Variants in GPR162 observed in about 807,000 individuals in gnomAD.
GPR162 encodes G protein-coupled receptor 162, also known as probable G protein-coupled receptor 162.
GPR162 carries 26 observed loss-of-function variants against 44.9 expected under a neutral mutation model. The ratio of observed to expected loss-of-function variants is 0.58; its 90% CI spans 0.42 to 0.80. The LOEUF is 0.80. GPR162 is among the 30% of genes least tolerant of loss of function. The pLI is 0.00. For missense variants in GPR162, 704 were observed against 802.3 expected, an observed-to-expected ratio of 0.88 and a Z score of 1.48; for synonymous variants, 363 against 335.2, an observed-to-expected ratio of 1.08 and a Z score of -0.91.
chr12:6,826,918 C>A lies in GPR162; in HGVS notation c.1481C>A (p.Pro494His). The change falls in exon 5 of 5, where the codon CCC becomes CAC. Residue 494 changes from proline to histidine, a missense_variant. By Grantham distance (77) the Pro-to-His change is moderately conservative. Transcript: ENST00000311268. ...ESGVLGSGGG[P>H]PRGPGFFREE... ...GGGGTTCTGGGGTCAGGTGGGGGACCCCCACGGGGTCCTGGCTTCTTCCGG... is the reference window on the plus strand; with the variant it reads ...GGGGTTCTGGGGTCAGGTGGGGGACACCCACGGGGTCCTGGCTTCTTCCGG... The A allele has an allele frequency of 6.2e-7, 1 of 1,613,318 alleles. No homozygotes were observed. The highest frequency in any genetic ancestry group is 8.5e-7 in the Non-Finnish European group (1 of 1,179,958).
In GPR162 at chr12:6,823,961, G is replaced by T; in HGVS notation, c.63G>T (p.Leu21=). Residue 21 remains leucine (L), a synonymous_variant, in exon 2 of 5, where the codon CTG becomes CTT. Coordinates refer to ENST00000311268, the MANE Select transcript of GPR162 (RefSeq NM_019858.2). ...TGCGCTCCAACGCATTGTCCTGGCT[G>T]GCCTGTGGGCTCCTGGCGCTGCTGG... The part of the protein sequence containing the change: ...ASLRSNALSW[L]ACGLLALLAN... 6.3e-7 allele frequency: 1 copy of T among 1,597,382 alleles called. No individual in the cohort carries two copies. Among genetic ancestry groups the T allele is most frequent in the Non-Finnish European group, 8.5e-7 (1 of 1,174,810 alleles).
In GPR162 at chr12:6,826,856, T is replaced by C; in HGVS notation, c.1419T>C (p.Gly473=). Residue 473 remains glycine, a synonymous_variant, in exon 5 of 5, where the codon GGT becomes GGC. Coordinates refer to ENST00000311268, the MANE Select transcript of GPR162 (RefSeq NM_019858.2). ...EDEEDEEEAE[G]GGLASLRQFL... ...AGGAGGACGAGGAAGAGGCTGAAGG[T>C]GGGGGGCTGGCCAGCCTTCGCCAAT... 6.2e-7 allele frequency: 1 copy of C among 1,612,126 alleles called. No homozygotes were observed. Among genetic ancestry groups the C allele is most frequent in the Non-Finnish European group, 8.5e-7 (1 of 1,179,078 alleles).
Position 6,826,250 on chromosome 12 carries a change from C to G in GPR162, c.1112C>G (p.Ala371Gly), listed in dbSNP as rs1943353651. The G allele has an allele frequency of 6.2e-7, 1 of 1,613,888 alleles. No homozygotes were observed. The highest frequency in any genetic ancestry group is 1.7e-5 in the Admixed American group (1 of 59,996). The change falls in exon 4 of 5, where the codon GCT becomes GGT. Residue 371 changes from alanine (A) to glycine (G), a missense_variant. By Grantham distance (60) the Ala-to-Gly change is moderately conservative. Around this residue, in one of 6 missense-constraint regions of GPR162, gnomAD observed 404 missense variants for 314.1 expected, o/e 1.29. Coordinates refer to ENST00000311268, the MANE Select transcript of GPR162 (RefSeq NM_019858.2). ...CGAGTTTGCAAAGTTCGCTTTGATGCTAACGGAGCCACAGGACCAGGGAGC... is the reference window on the plus strand; with the variant it reads ...CGAGTTTGCAAAGTTCGCTTTGATGGTAACGGAGCCACAGGACCAGGGAGC... ...EGRVCKVRFD[A>G]NGATGPGSRD... is the part of the protein sequence containing the mutation.
rs1943291012 is a variant in GPR162 at position 6,822,189 on chromosome 12, C to T, written c.-432+289C>T. 6.6e-6 allele frequency among the ~76,000 whole-genome samples: 1 copy of T among 152,176 alleles called. No individual in the cohort carries two copies. Among genetic ancestry groups the T allele is most frequent in the Non-Finnish European group, 1.5e-5 (1 of 68,028 alleles). ...CTTCACATCTTTCCTGCCTCCTTCCCTCTCTGACTCCCTATCTCTTTCATC... is the reference window on the plus strand; with the variant it reads ...CTTCACATCTTTCCTGCCTCCTTCCTTCTCTGACTCCCTATCTCTTTCATC... On this transcript the variant is annotated intron_variant, in intron 1 of 4. Coordinates refer to ENST00000311268, the MANE Select transcript of GPR162 (RefSeq NM_019858.2). The surrounding 1 kb of genome is among the most constrained non-coding windows in gnomAD (Gnocchi z 4.2).
rs782798823 is a variant in GPR162, at chr12:6,825,672, C to T, written c.1056C>T (p.Asp352=). The T allele has an allele frequency of 4.5e-6, 7 of 1,563,558 alleles. No individual in the cohort carries two copies. The highest frequency in any genetic ancestry group is 6.1e-6 in the Non-Finnish European group (7 of 1,153,106). Residue 352 remains aspartate, a splice_region_variant and synonymous_variant, in exon 3 of 5, where the codon GAC becomes GAT. Coordinates refer to ENST00000311268, the MANE Select transcript of GPR162 (RefSeq NM_019858.2). ...VAIMSEEDGD[D]DGGCDDYAEG... ...TCATGTCTGAGGAGGATGGAGATGA[C>T]GGTCAGAGGAGGGGCTGGGCTTTGG...
chr12:6,825,357 G>A (rs1943340730), intron 2 of GPR162, 127 bp from the exon 3 acceptor site: 10 of 630,404 alleles, frequency 1.6e-5, no homozygotes, highest in East Asian at 8.2e-5. Context: ...CTCCGGCTTC[G>A]CCTCTGTTGG....
rs781783285 is a variant in GPR162 at position 6,826,287 on chromosome 12, C to T, written c.1149C>T (p.Ala383=). 20 of 1,613,824 alleles carry T rather than the reference C, an allele frequency of 1.2e-5. No individual in the cohort carries two copies. Among genetic ancestry groups the T allele is most frequent in the Non-Finnish European group, 1.6e-5 (19 of 1,179,966 alleles). ...CAGGACCAGGGAGCCGGGACCCCGC[C>T]CAGGTGAAGCTGCTGCCTGGAAGGC... ...GATGPGSRDP[A]QVKLLPGRHM... Residue 383 remains alanine, a synonymous_variant, in exon 4 of 5, where the codon GCC becomes GCT. Transcript: ENST00000311268.
Position 6,827,215 on chromosome 12 carries a change from G to A in GPR162, c.*11G>A, listed in dbSNP as rs1555120526. 3.2e-6 allele frequency: 5 copies of A among 1,586,722 alleles called. No homozygotes were observed. The South Asian group carries it at 3.4e-5, about 11-fold the overall frequency. ...CAGCTGACCCTGTGAGCCCAAGCAGGCCTGCTGAACTCAGAGGAGAAAGCC... is the reference window on the plus strand; with the variant it reads ...CAGCTGACCCTGTGAGCCCAAGCAGACCTGCTGAACTCAGAGGAGAAAGCC... On this transcript the variant is annotated 3_prime_UTR_variant, in exon 5 of 5. Coordinates refer to ENST00000311268, the MANE Select transcript of GPR162 (RefSeq NM_019858.2).
Position 6,823,882 on chromosome 12 carries a change from G to T in GPR162, c.-17G>T, listed in dbSNP as rs781858035. 1.9e-6 allele frequency: 3 copies of T among 1,572,006 alleles called. No homozygotes were observed. Among genetic ancestry groups the T allele is most frequent in the East Asian group, 2.3e-5 (1 of 44,240 alleles). On this transcript the variant is annotated 5_prime_UTR_variant, in exon 2 of 5. Transcript: ENST00000311268. ...CCACCCCCACAGAGCTCAAGGGGGT[G>T]GGGGGCTGAGGATAGGATGGCTCGG...
chr12:6,825,525 C>G lies in GPR162; in HGVS notation c.909C>G (p.Pro303=). ...CCCTCAAGTCGGACTCGGCGCCCCC[C>G]TGGATGGTGCTGGCTGTGCTGTGGT... The part of the protein sequence containing the change: ...FFSLKSDSAP[P]WMVLAVLWCS... Residue 303 remains proline, a synonymous_variant, in exon 3 of 5, where the codon CCC becomes CCG. Coordinates refer to ENST00000311268, the MANE Select transcript of GPR162 (RefSeq NM_019858.2). 1 of 1,612,124 alleles carries G rather than the reference C, an allele frequency of 6.2e-7. No homozygotes were observed. The highest frequency in any genetic ancestry group is 2.2e-5 in the East Asian group (1 of 44,814).
Position 6,827,146 on chromosome 12 carries a change from G to A in GPR162, c.1709G>A (p.Arg570Lys). 6.2e-7 allele frequency: 1 copy of A among 1,613,174 alleles called. No individual in the cohort carries two copies. The highest frequency in any genetic ancestry group is 8.5e-7 in the Non-Finnish European group (1 of 1,179,964). Residue 570 changes from arginine to lysine, a missense_variant, in exon 5 of 5, where the codon AGG (arginine) becomes AAG (lysine). Arg to Lys is a conservative substitution (Grantham distance 26). Coordinates refer to ENST00000311268, the MANE Select transcript of GPR162 (RefSeq NM_019858.2). Reference protein sequence around the residue: ...CSLTGGEESARAWGGSWGPGN... With the variant: ...CSLTGGEESAKAWGGSWGPGN... Reference sequence around the variant, plus strand: ...CTGACGGGGGGTGAAGAAAGTGCAAGGGCTTGGGGAGGATCCTGGGGCCCA... The same window carrying A: ...CTGACGGGGGGTGAAGAAAGTGCAAAGGCTTGGGGAGGATCCTGGGGCCCA...
Position 6,821,835 on chromosome 12 carries a change from G to T in GPR162, c.-497G>T, listed in dbSNP as rs1244598748. 1.5e-5 allele frequency: 1 copy of T among 68,306 alleles called. No homozygotes were observed. The highest frequency in any genetic ancestry group is 3.8e-4 in the South Asian group (1 of 2,658). The allele number at this position is 68,306 out of a possible 1,614,324, so 4.2% of individuals were successfully genotyped here. A position where few individuals can be genotyped will look rare whatever the true frequency, so the allele number is the denominator to read the frequency against. On this transcript the variant is annotated 5_prime_UTR_variant, in exon 1 of 5. Coordinates refer to ENST00000311268, the MANE Select transcript of GPR162 (RefSeq NM_019858.2). ...GGGCGAGCTGGAGCCGGCAGGCAGC[G>T]GGAGCCCGAGAGAGCCGCGTCGGGA...
rs2040353 is a variant in GPR162 at position 6,823,801 on chromosome 12, G to C, written c.-98G>C. 158,865 of 1,610,808 alleles carry C rather than the reference G, an allele frequency of 0.099. 9,063 individuals carry two copies. The highest frequency in any genetic ancestry group is 0.21 in the East Asian group (9,297 of 44,846). On this transcript the variant is annotated 5_prime_UTR_variant, in exon 2 of 5. Transcript: ENST00000311268. ...GCAGCCTGCCTGCTGACAGGGCGAG[G>C]ATTGTGGGGATCATGGGAGTGTTTG... is the stretch of plus-strand genomic sequence containing the variant.
Position 6,826,895 on chromosome 12 carries a change from G to C in GPR162, c.1458G>C (p.Gly486=), listed in dbSNP as rs913292743. The C allele has an allele frequency of 1.2e-6, 2 of 1,613,442 alleles. No homozygotes were observed. Among genetic ancestry groups the C allele is most frequent in the African/African-American group, 2.7e-5 (2 of 74,942 alleles). Residue 486 remains glycine, a synonymous_variant, in exon 5 of 5, where the codon GGG becomes GGC. Transcript: ENST00000311268. ...GCCTTCGCCAATTCTTGGAGAGTGGGGTTCTGGGGTCAGGTGGGGGACCCC... is the reference window on the plus strand; with the variant it reads ...GCCTTCGCCAATTCTTGGAGAGTGGCGTTCTGGGGTCAGGTGGGGGACCCC... The part of the protein sequence containing the change: ...LASLRQFLES[G]VLGSGGGPPR...
In GPR162 at chr12:6,824,859, G is replaced by A. The variant is rs782657657; in HGVS notation, c.867+94G>A. ...ACTTCATCAGCCATACAGCAGCTCCGTCATCTCTCCTCCAGTTCCATCATC... is the reference window on the plus strand; with the variant it reads ...ACTTCATCAGCCATACAGCAGCTCCATCATCTCTCCTCCAGTTCCATCATC... On this transcript the variant is annotated intron_variant, in intron 2 of 4. Coordinates refer to ENST00000311268, the MANE Select transcript of GPR162 (RefSeq NM_019858.2). 7.4e-5 allele frequency: 70 copies of A among 950,204 alleles called. 1 individual carries two copies. Among genetic ancestry groups the A allele is most frequent in the East Asian group, 6.6e-4 (27 of 40,952 alleles). The allele number at this position is 950,204 out of a possible 1,614,324, so 58.9% of individuals were successfully genotyped here.
At position 6,826,794 on chromosome 12, in the gene GPR162, C is replaced by T; in HGVS notation, c.1357C>T (p.Pro453Ser). 6.2e-7 allele frequency: 1 copy of T among 1,610,050 alleles called. No individual in the cohort carries two copies. The highest frequency in any genetic ancestry group is 1.1e-5 in the South Asian group (1 of 90,454). Residue 453 changes from proline (P) to serine (S), a missense_variant, in exon 5 of 5, where the codon CCT becomes TCT. By Grantham distance (74) the Pro-to-Ser change is moderately conservative (BLOSUM62 -1). Coordinates refer to ENST00000311268, the MANE Select transcript of GPR162 (RefSeq NM_019858.2). Reference protein sequence around the residue: ...PAQSRALGGPPEYLGQRHRLE... With the variant: ...PAQSRALGGPSEYLGQRHRLE... Reference sequence around the variant, plus strand: ...CCAGAGCCGGGCCCTCGGGGGTCCTCCTGAGTACCTGGGACAAAGACACAG... The same window carrying T: ...CCAGAGCCGGGCCCTCGGGGGTCCTTCTGAGTACCTGGGACAAAGACACAG...
At position 6,826,013 on chromosome 12, in the gene GPR162, G is replaced by C. The variant is rs60660448; in HGVS notation, c.1058-183G>C. On this transcript the variant is annotated intron_variant, in intron 3 of 4. Coordinates refer to ENST00000311268, the MANE Select transcript of GPR162 (RefSeq NM_019858.2). The stretch of plus-strand genomic sequence containing the variant: ...ATTGTTTCAATAACTTCATCTATAT[G>C]TATGAAGCACTCCACTCAGGATTTA... Among the ~76,000 whole-genome samples the C allele has an allele frequency of 4.4e-3, 664 of 152,274 alleles. 8 individuals are homozygous for C. Among genetic ancestry groups the C allele is most frequent in the African/African-American group, 0.015 (633 of 41,532 alleles).
At position 6,822,197 on chromosome 12, in the gene GPR162, C is replaced by T. The variant is rs1943291054; in HGVS notation, c.-432+297C>T. Among the ~76,000 whole-genome samples, 1 of 152,178 alleles carries T rather than the reference C, an allele frequency of 6.6e-6. No individual in the cohort carries two copies. The highest frequency in any genetic ancestry group is 1.5e-5 in the Non-Finnish European group (1 of 68,026). ...CTTTCCTGCCTCCTTCCCTCTCTGA[C>T]TCCCTATCTCTTTCATCCTGAGCCC... On this transcript the variant is annotated intron_variant, in intron 1 of 4. Coordinates refer to ENST00000311268, the MANE Select transcript of GPR162 (RefSeq NM_019858.2). This position sits in a 1 kb window ranked among gnomAD's most constrained non-coding sequence, Gnocchi z 4.2.
chr12:6,827,129 G>C lies in GPR162; in HGVS notation c.1692G>C (p.Gly564=). ...LSAGRRCSLT[G]GEESARAWGG... Reference sequence around the variant, plus strand: ...CAGGGAGACGCTGCTCCCTGACGGGGGGTGAAGAAAGTGCAAGGGCTTGGG... The same window carrying C: ...CAGGGAGACGCTGCTCCCTGACGGGCGGTGAAGAAAGTGCAAGGGCTTGGG... The change falls in exon 5 of 5, where the codon GGG becomes GGC. Residue 564 remains glycine (G), a synonymous_variant. Transcript: ENST00000311268. The C allele has an allele frequency of 6.2e-7, 1 of 1,613,330 alleles. No homozygotes were observed. Among genetic ancestry groups the C allele is most frequent in the Non-Finnish European group, 8.5e-7 (1 of 1,180,024 alleles).
Sources: allele counts gnomAD v4.1 joint callset (sites outside exome capture counted in the v4.1 genomes callset), GRCh38; gene constraint gnomAD v4.1.1; regional missense constraint gnomAD v4.1.1; non-coding constraint Gnocchi (gnomAD v3.1); transcripts MANE v1.5; gene names NCBI Gene and HGNC (gene_info 2026-07-23, HGNC 2026-07-21).